The following SLC5A3 variants were observed in gnomAD, a reference collection of about 807,000 sequenced individuals.
The protein encoded by SLC5A3 is solute carrier family 5 member 3, also known as sodium/myo-inositol cotransporter.
A neutral mutation model predicts 43.2 loss-of-function variants in SLC5A3; 10 were observed. The ratio of observed to expected loss-of-function variants is 0.23; its 90% confidence interval spans 0.14 to 0.39. The LOEUF (loss-of-function observed/expected upper bound fraction) is 0.39, where lower values mean the gene tolerates loss of function less well. Ranked by LOEUF, SLC5A3 falls within the 10% of genes least tolerant of loss-of-function variation. The pLI is 1.00. For missense variants in SLC5A3, 608 were observed against 893.4 expected, an observed-to-expected ratio of 0.68 and a Z score of 4.07; for synonymous variants, 349 against 322.0, an observed-to-expected ratio of 1.08 and a Z score of -0.90.
In SLC5A3 at chr21:34,096,749, A is replaced by T; in HGVS notation, c.1551A>T (p.Gly517=). 2 of 1,613,988 alleles carry T rather than the reference A, an allele frequency of 1.2e-6. No homozygotes were observed. Among genetic ancestry groups the T allele is most frequent in the Non-Finnish European group, 1.7e-6 (2 of 1,179,976 alleles). ...KDIHYMYVAT[G]LFWVTGLITV... is the part of the protein sequence containing the mutation. Reference sequence around the variant, plus strand: ...TCCATTATATGTATGTGGCCACAGGATTGTTTTGGGTCACGGGACTCATTA... The same window carrying T: ...TCCATTATATGTATGTGGCCACAGGTTTGTTTTGGGTCACGGGACTCATTA... Residue 517 remains glycine, a synonymous_variant, in exon 2 of 2, where the codon GGA becomes GGT. Transcript: ENST00000381151. This position sits in a 1 kb window ranked among gnomAD's most constrained non-coding sequence, Gnocchi z 5.9.
At position 34,105,594 on chromosome 21, in the gene SLC5A3, A is replaced by G. The variant is rs1478302851; in HGVS notation, c.*8239A>G. The G allele has an allele frequency of 9.0e-6, 9 of 999,970 alleles. No individual in the cohort carries two copies. The highest frequency in any genetic ancestry group is 1.1e-4 in the East Asian group (1 of 8,832). 61.9% of individuals were successfully genotyped at this position (999,970 alleles called of 1,614,324 possible). On this transcript the variant is annotated 3_prime_UTR_variant, in exon 2 of 2. Transcript: ENST00000381151. ...TTTTTTGTAAGAGACCAGTTAGTAC[A>G]CTGGGGGTGTATATTGTGTACATGT...
intron 1 of SLC5A3, among the ~76,000 whole-genome samples, chr21:34,076,079 C>T (rs1461423004): frequency 2.6e-5 from 4 of 152,122 alleles, no homozygotes; most frequent in African/African-American, 4.8e-5. Flanking sequence ...TTTTCCTTTC[C>T]TCCCCAAATC....
Position 34,103,160 on chromosome 21 carries a change from G to C in SLC5A3, c.*5805G>C. ...AAACTGGCAAAGGCCAGTATATATG[G>C]TATTCCATAATATAACCAGCTTTTG... is the stretch of plus-strand genomic sequence containing the variant. On this transcript the variant is annotated 3_prime_UTR_variant, in exon 2 of 2. Coordinates refer to ENST00000381151, the MANE Select transcript of SLC5A3 (RefSeq NM_006933.7). 4.0e-6 allele frequency: 4 copies of C among 999,854 alleles called. No individual in the cohort carries two copies. The highest frequency in any genetic ancestry group is 1.1e-4 in the East Asian group (1 of 8,814). 61.9% of individuals were successfully genotyped at this position (999,854 alleles called of 1,614,324 possible). A position where few individuals can be genotyped will look rare whatever the true frequency, so the allele number is the denominator to read the frequency against.
Position 34,074,583 on chromosome 21 carries a change from C to T in SLC5A3, c.-337+838C>T, listed in dbSNP as rs376809076. 6.4e-4 allele frequency among the ~76,000 whole-genome samples: 98 copies of T among 152,350 alleles called. No individual in the cohort carries two copies. The South Asian group carries it at 0.019, about 30-fold the overall frequency. ...GCGGCCCGGAGGCAGCTCACTTCGT[C>T]CTCTGTCCTGGGTCATGTACTCCTC... On this transcript the variant is annotated intron_variant, in intron 1 of 1. Coordinates refer to ENST00000381151, the MANE Select transcript of SLC5A3 (RefSeq NM_006933.7).
At chr21:34,092,125 CAT>C (rs143732686) in intron 1 of SLC5A3, among the ~76,000 whole-genome samples, 10,653 of 149,410 alleles carry the variant, frequency 0.071, 450 homozygotes, top group Middle Eastern at 0.16. Context: ...GGAAGAAAAA[CAT>C]ATATATATAT....
In SLC5A3 at chr21:34,098,252, C is replaced by A; in HGVS notation, c.*897C>A. 1.0e-6 allele frequency: 1 copy of A among 999,698 alleles called. No homozygotes were observed. Among genetic ancestry groups the A allele is most frequent in the South Asian group, 4.7e-5 (1 of 21,268 alleles). The allele number at this position is 999,698 out of a possible 1,614,324, so 61.9% of individuals were successfully genotyped here. On this transcript the variant is annotated 3_prime_UTR_variant, in exon 2 of 2. Transcript: ENST00000381151. ...CTCATATATTCTGCTAATTTTCTAG[C>A]TTTATTCTTGTTATTTGGAAAAATT...
chr21:34,091,393 C>T (rs539491501), intron 1 of SLC5A3, among the ~76,000 whole-genome samples: 1 of 151,970 alleles, frequency 6.6e-6, no homozygotes, highest in African/African-American at 2.4e-5. Context: ...GCCCATATAT[C>T]CTGCTGTTTA....
chr21:34,091,408 T>G (rs1299371953), intron 1 of SLC5A3, among the ~76,000 whole-genome samples: 1 of 152,160 alleles, frequency 6.6e-6, no homozygotes, highest in African/African-American at 2.4e-5. Flanking sequence ...TGTTTACATA[T>G]AGTTCCAGAA....
In SLC5A3 at chr21:34,081,998, C is replaced by CT. The variant is rs1214095779; in HGVS notation, c.-337+8262dup. 1.4e-4 allele frequency among the ~76,000 whole-genome samples: 21 copies of CT among 149,114 alleles called. No individual in the cohort carries two copies. The South Asian group carries it at 2.1e-3, about 15-fold the overall frequency. ...AGGGGTGTGGGCCTGGTTTTGCCAG[C>CT]TTTTTTTTTCTCTCTTCCTCCTACC... On this transcript the variant is annotated intron_variant, in intron 1 of 1. Transcript: ENST00000381151.
chr21:34,100,219 C>A lies in SLC5A3; in HGVS notation c.*2864C>A. Reference sequence around the variant, plus strand: ...GTCTTACCAGGTGTTAATGGTATCCCCAGTTCTTAGACTTTTGTCTTCTCA... The same window carrying A: ...GTCTTACCAGGTGTTAATGGTATCCACAGTTCTTAGACTTTTGTCTTCTCA... On this transcript the variant is annotated 3_prime_UTR_variant, in exon 2 of 2. Transcript: ENST00000381151. The A allele has an allele frequency of 1.0e-6, 1 of 1,000,144 alleles. No individual in the cohort carries two copies. The highest frequency in any genetic ancestry group is 1.2e-6 in the Non-Finnish European group (1 of 829,950). The allele number at this position is 1,000,144 out of a possible 1,614,324, so 62.0% of individuals were successfully genotyped here.
chr21:34,106,174 G>A lies in SLC5A3; in HGVS notation c.*8819G>A. 2.0e-6 allele frequency: 2 copies of A among 988,870 alleles called. No homozygotes were observed. The highest frequency in any genetic ancestry group is 4.8e-5 in the South Asian group (1 of 21,050). The allele number at this position is 988,870 out of a possible 1,614,324, so 61.3% of individuals were successfully genotyped here. A position where few individuals can be genotyped will look rare whatever the true frequency, so the allele number is the denominator to read the frequency against. On this transcript the variant is annotated 3_prime_UTR_variant, in exon 2 of 2. Transcript: ENST00000381151. ...CTTGCAAAGTACATTCCTTTCTGTG[G>A]TATTTTGTCCTGTAACTGAAGTATA...
chr21:34,074,552 G>A (rs1022721609), intron 1 of SLC5A3, among the ~76,000 whole-genome samples: 5 of 152,212 alleles, frequency 3.3e-5, no homozygotes, highest in African/African-American at 1.2e-4. Flanking sequence ...CCAAGGACAG[G>A]GGCCCGCGGC....
intron 1 of SLC5A3, among the ~76,000 whole-genome samples, chr21:34,082,916 G>A (rs1989491827): frequency 6.6e-6 from 1 of 151,976 alleles, no homozygotes; most frequent in Non-Finnish European, 1.5e-5. Flanking sequence ...GTCCACTTTG[G>A]GCATACCTCA....
intron 1 of SLC5A3, among the ~76,000 whole-genome samples, chr21:34,084,016 A>C (rs908525648): frequency 1.3e-5 from 2 of 152,158 alleles, no homozygotes; most frequent in African/African-American, 4.8e-5. Flanking sequence ...CTGCCTTTAT[A>C]ATCTAGAATA....
intron 1 of SLC5A3, among the ~76,000 whole-genome samples, chr21:34,076,709 A>C (rs1041146037): frequency 1.3e-5 from 2 of 152,234 alleles, no homozygotes; most frequent in Non-Finnish European, 2.9e-5. Flanking sequence ...TAAATTCTGA[A>C]ATATGACGGT....
Position 34,102,586 on chromosome 21 carries a change from G to GAATTTTGA in SLC5A3, c.*5231_*5232insAATTTTGA. The GAATTTTGA allele has an allele frequency of 1.0e-6, 1 of 1,000,058 alleles. No homozygotes were observed. Among genetic ancestry groups the GAATTTTGA allele is most frequent in the Non-Finnish European group, 1.2e-6 (1 of 829,886 alleles). 61.9% of individuals were successfully genotyped at this position (1,000,058 alleles called of 1,614,324 possible). A position where few individuals can be genotyped will look rare whatever the true frequency, so the allele number is the denominator to read the frequency against. ...TGGGCAGTACCATACATAGTCTGAG[G>GAATTTTGA]CTATTGACTTAAACCAATAACTGTA... On this transcript the variant is annotated 3_prime_UTR_variant, in exon 2 of 2. Coordinates refer to ENST00000381151, the MANE Select transcript of SLC5A3 (RefSeq NM_006933.7).
intron 1 of SLC5A3, among the ~76,000 whole-genome samples, chr21:34,078,355 A>T (rs1403686213): frequency 6.6e-6 from 1 of 152,136 alleles, no homozygotes; most frequent in Non-Finnish European, 1.5e-5. Context: ...AGAAGGAAGG[A>T]GTCCTGTTCC....
chr21:34,093,303 G>C (rs1349421984), intron 1 of SLC5A3, among the ~76,000 whole-genome samples: 1 of 149,732 alleles, frequency 6.7e-6, no homozygotes, highest in African/African-American at 2.5e-5. Flanking sequence ...TTGACACTTA[G>C]AAAGGATTTA....
chr21:34,105,207 A>G lies in SLC5A3; in HGVS notation c.*7852A>G, dbSNP rs1442702504. On this transcript the variant is annotated 3_prime_UTR_variant, in exon 2 of 2. Coordinates refer to ENST00000381151, the MANE Select transcript of SLC5A3 (RefSeq NM_006933.7). ...GATTGCCAGCAGAGTTCAGAAATAG[A>G]GCAGGGATTTACCCGTTCTTTGCTT... is the stretch of plus-strand genomic sequence containing the variant. 5 of 1,000,148 alleles carry G rather than the reference A, an allele frequency of 5.0e-6. No individual in the cohort carries two copies. Among genetic ancestry groups the G allele is most frequent in the Non-Finnish European group, 6.0e-6 (5 of 829,982 alleles). The allele number at this position is 1,000,148 out of a possible 1,614,324, so 62.0% of individuals were successfully genotyped here. A position where few individuals can be genotyped will look rare whatever the true frequency, so the allele number is the denominator to read the frequency against.
Sources: allele counts gnomAD v4.1 joint callset (sites outside exome capture counted in the v4.1 genomes callset), GRCh38; gene constraint gnomAD v4.1.1; non-coding constraint Gnocchi (gnomAD v3.1); transcripts MANE v1.5; gene names NCBI Gene and HGNC (gene_info 2026-07-23, HGNC 2026-07-21).